The following CCDC7 variants were observed in gnomAD, a reference collection of about 807,000 sequenced individuals.
CCDC7 encodes coiled-coil domain containing 7.
A neutral mutation model predicts 196.9 loss-of-function variants in CCDC7; 183 were observed. The ratio of observed to expected loss-of-function variants is 0.93; its 90% confidence interval spans 0.82 to 1.05. The LOEUF (loss-of-function observed/expected upper bound fraction) is 1.05. Ranked by LOEUF, CCDC7 falls within the 50% of genes least tolerant of loss-of-function variation. The probability of loss-of-function intolerance (pLI) is 0.00; values close to 1 mark genes in which losing one functional copy is unlikely to be tolerated. For missense variants in CCDC7, 1,540 were observed against 1,482.2 expected (o/e 1.04, Z -0.64); for synonymous variants, 525 against 484.6 (o/e 1.08, Z -1.10).
intron 20 of CCDC7, among the ~76,000 whole-genome samples, chr10:32,663,670 A>G (rs917320389): frequency 4.6e-5 from 7 of 152,004 alleles, no homozygotes; most frequent in African/African-American, 1.7e-4. Flanking sequence ...CTTTTTATTA[A>G]CCAATTTCAT....
chr10:32,761,674 C>A (rs2077486735), intron 28 of CCDC7, among the ~76,000 whole-genome samples: 1 of 151,966 alleles, frequency 6.6e-6, no homozygotes, highest in Non-Finnish European at 1.5e-5. Flanking sequence ...TATCCAGAGT[C>A]TCATCCTGTG....
intron 20 of CCDC7, among the ~76,000 whole-genome samples, chr10:32,663,085 G>GGTTGAA (rs140734978): frequency 0.045 from 6,903 of 152,110 alleles, 517 homozygotes; most frequent in African/African-American, 0.16. Context: ...CATCCTTCTT[G>GGTTGAA]GGCAAAGTGG....
At chr10:32,748,131 T>C (rs1479505439) in intron 28 of CCDC7, among the ~76,000 whole-genome samples, 1 of 152,208 alleles carries the variant, frequency 6.6e-6, no homozygotes, top group African/African-American at 2.4e-5. Flanking sequence ...AAATACCACA[T>C]GTTCTCACTT....
At chr10:32,702,857 C>G (rs898385515) in intron 24 of CCDC7, among the ~76,000 whole-genome samples, 2 of 151,916 alleles carry the variant, frequency 1.3e-5, no homozygotes, top group African/African-American at 2.4e-5. Context: ...TTTTTGTTTT[C>G]CATTTTCTTG....
chr10:32,608,183 G>T (rs2061725904), intron 18 of CCDC7, among the ~76,000 whole-genome samples: 1 of 151,660 alleles, frequency 6.6e-6, no homozygotes, highest in Non-Finnish European at 1.5e-5. Context: ...ATTTCATTTG[G>T]GTCTTCTTTC....
chr10:32,621,925 A>T (rs1419634372), intron 18 of CCDC7, among the ~76,000 whole-genome samples: 1 of 152,176 alleles, frequency 6.6e-6, no homozygotes, highest in Non-Finnish European at 1.5e-5. Flanking sequence ...CTGAGAAATA[A>T]TGTTTTACTA....
exon 19 of CCDC7, chr10:32,634,326 A>G: frequency 8.3e-7 from 1 of 1,201,646 alleles, no homozygotes; most frequent in Non-Finnish European, 1.0e-6. Context: ...CAAATAGAAC[A>G]AATGAAACAA....
intron 9 of CCDC7, among the ~76,000 whole-genome samples, chr10:32,501,361 C>T (rs563014116): frequency 4.3e-4 from 66 of 152,206 alleles, no homozygotes; most frequent in Middle Eastern, 6.8e-3. Flanking sequence ...TTATTACCCA[C>T]CTTCTGAAGC....
In CCDC7 at chr10:32,632,080, T is replaced by C. The variant is rs372443927; in HGVS notation, c.1802-2174T>C. 1.9e-4 allele frequency among the ~76,000 whole-genome samples: 28 copies of C among 147,950 alleles called. No individual in the cohort carries two copies. In the East Asian group the frequency reaches 5.0e-3, roughly 26 times the overall value. On this transcript the variant is annotated intron_variant, in intron 18 of 41. Coordinates refer to ENST00000639629, the Ensembl canonical transcript of CCDC7. ...TTCTTAAATTTCTTTATAAAACATTTGTAAGTTGAGAGTTTTACTTCTTCC... is the reference window on the plus strand; with the variant it reads ...TTCTTAAATTTCTTTATAAAACATTCGTAAGTTGAGAGTTTTACTTCTTCC...
chr10:32,858,120 T>C (rs533786707), intron 41 of CCDC7, among the ~76,000 whole-genome samples: 13 of 152,044 alleles, frequency 8.6e-5, no homozygotes, highest in Admixed American at 7.9e-4. Flanking sequence ...AATAAAAAGG[T>C]TGAAGAAGTA....
chr10:32,492,784 G>A lies in CCDC7; in HGVS notation c.872+787G>A, dbSNP rs142435395. 6.0e-3 allele frequency among the ~76,000 whole-genome samples: 913 copies of A among 152,062 alleles called. 9 individuals are homozygous for A. The highest frequency in any genetic ancestry group is 0.021 in the African/African-American group (869 of 41,490). Reference sequence around the variant, plus strand: ...TGGTTGTAAAATAATGTAAAGTTACGTAACACTGCTGAACTATACACTTAA... The same window carrying A: ...TGGTTGTAAAATAATGTAAAGTTACATAACACTGCTGAACTATACACTTAA... On this transcript the variant is annotated intron_variant, in intron 9 of 41. Coordinates refer to ENST00000639629, the Ensembl canonical transcript of CCDC7.
chr10:32,526,919 C>T (rs1260966627), intron 11 of CCDC7, among the ~76,000 whole-genome samples: 4 of 152,128 alleles, frequency 2.6e-5, no homozygotes, highest in Non-Finnish European at 4.4e-5. Flanking sequence ...GTGGTATCTT[C>T]GTAGGTCACG....
At chr10:32,821,130 C>T (rs1387619262) in intron 31 of CCDC7, among the ~76,000 whole-genome samples, 1 of 151,832 alleles carries the variant, frequency 6.6e-6, no homozygotes, top group Admixed American at 6.6e-5. Flanking sequence ...GAAAAAACAA[C>T]CCCATCAAAA....
At chr10:32,811,904 G>C (rs976857796) in intron 30 of CCDC7, among the ~76,000 whole-genome samples, 2 of 152,036 alleles carry the variant, frequency 1.3e-5, no homozygotes, top group African/African-American at 4.8e-5. Context: ...CGGATGTAAG[G>C]GTGGTTTAAC....
intron 11 of CCDC7, among the ~76,000 whole-genome samples, chr10:32,536,936 T>A (rs992322728): frequency 6.6e-6 from 1 of 152,238 alleles, no homozygotes; most frequent in Non-Finnish European, 1.5e-5. Context: ...TATTTGCTAT[T>A]GTGAATAGTG....
intron 16 of CCDC7, 81 bp downstream of exon 17, chr10:32,571,974 C>T (rs1282097797): frequency 2.0e-5 from 26 of 1,303,684 alleles, no homozygotes; most frequent in Non-Finnish European, 2.4e-5. Flanking sequence ...AATAACCATT[C>T]TAAATTTAAT....
intron 18 of CCDC7, among the ~76,000 whole-genome samples, chr10:32,626,613 G>C (rs1276665048): frequency 6.6e-6 from 1 of 151,424 alleles, no homozygotes; most frequent in South Asian, 2.1e-4. Context: ...GTGCTTTTGG[G>C]GTCAAATAAA....
At chr10:32,710,057 G>T (rs1473979641) in intron 24 of CCDC7, among the ~76,000 whole-genome samples, 2 of 152,092 alleles carry the variant, frequency 1.3e-5, no homozygotes, top group Non-Finnish European at 2.9e-5. Flanking sequence ...GAAGGGCTTG[G>T]GTGTTCCCTT....
chr10:32,451,444 C>A, upstream of CCDC7: 2 of 608,868 alleles, frequency 3.3e-6, no homozygotes, highest in East Asian at 3.3e-5. Flanking sequence ...TACTGTGACT[C>A]AAAAAAGCCT....
Sources: allele counts gnomAD v4.1 joint callset (sites outside exome capture counted in the v4.1 genomes callset), GRCh38; gene constraint gnomAD v4.1.1; transcripts MANE v1.5; gene names NCBI Gene and HGNC (gene_info 2026-07-23, HGNC 2026-07-21).